The following ARHGAP39 variants were observed in gnomAD, a reference collection of about 807,000 sequenced individuals.
ARHGAP39 encodes the protein rho GTPase-activating protein 39.
Under a neutral mutation model 106.9 loss-of-function variants are expected in ARHGAP39, and 44 were observed. That is an observed-to-expected ratio of 0.41 (90% CI 0.32 to 0.53). The LOEUF is 0.53. Ranked by LOEUF, ARHGAP39 falls within the 20% of genes least tolerant of loss-of-function variation. The pLI is 0.21. For missense variants in ARHGAP39, 1,496 were observed against 1,577.3 expected (o/e 0.95, Z 0.87); for synonymous variants, 768 against 693.2 (o/e 1.11, Z -1.69).
chr8:144,542,177 T>C (rs948846534), intron 6 of ARHGAP39, among the ~76,000 whole-genome samples: 1 of 152,170 alleles, frequency 6.6e-6, no homozygotes, highest in African/African-American at 2.4e-5. Flanking sequence ...GTGGGAGAGC[T>C]GGAGGCTACC....
intron 7 of ARHGAP39, among the ~76,000 whole-genome samples, chr8:144,536,577 C>T (rs1050869233): frequency 1.3e-5 from 2 of 152,220 alleles, no homozygotes; most frequent in African/African-American, 2.4e-5. Context: ...GGTCTGAGGA[C>T]GTCTGTGGCC....
chr8:144,670,151 G>A lies in ARHGAP39; in HGVS notation c.-82+15535C>T, dbSNP rs371027672. Among the ~76,000 whole-genome samples, 101 of 152,340 alleles carry A rather than the reference G, an allele frequency of 6.6e-4. 2 individuals are homozygous for A. In the South Asian group the frequency reaches 0.02, roughly 30 times the overall value. ...GCTCGGATGCATGCTAGAGCGTACC[G>A]GGAAGCAGGATCAGGGCCTGGGACC... On this transcript the variant is annotated intron_variant, in intron 1 of 11. Coordinates refer to ENST00000377307, the MANE Select transcript of ARHGAP39 (RefSeq NM_025251.3). This position sits in a 1 kb window ranked among gnomAD's most constrained non-coding sequence, Gnocchi z 4.4.
At chr8:144,680,127 T>C (rs207470062) in intron 1 of ARHGAP39, among the ~76,000 whole-genome samples, 1 of 152,328 alleles carries the variant, frequency 6.6e-6, no homozygotes, top group African/African-American at 2.4e-5. Context: ...GCTCCCAAAA[T>C]GTGAAAATAC....
rs1279936180 is a variant in ARHGAP39 at position 144,550,556 on chromosome 8, AG to A, written c.597-2068del. On this transcript the variant is annotated intron_variant, in intron 4 of 11. Transcript: ENST00000377307. Reference sequence around the variant, plus strand: ...TTCCCCATTGCCTGGGGGGTTGGTGAGGCAAGGCCAGGAAGACATGGCACCC... The same window carrying A: ...TTCCCCATTGCCTGGGGGGTTGGTGAGCAAGGCCAGGAAGACATGGCACCC... Among the ~76,000 whole-genome samples, 4 of 152,354 alleles carry A rather than the reference AG, an allele frequency of 2.6e-5. No homozygotes were observed. The South Asian group carries it at 8.3e-4, about 32-fold the overall frequency.
intron 1 of ARHGAP39, among the ~76,000 whole-genome samples, chr8:144,633,632 T>C (rs1821117357): frequency 6.6e-6 from 1 of 152,234 alleles, no homozygotes; most frequent in African/African-American, 2.4e-5. Flanking sequence ...CACTACATTT[T>C]CTTAAAGTGG....
intron 1 of ARHGAP39, among the ~76,000 whole-genome samples, chr8:144,654,322 T>C (rs571270290): frequency 2.0e-5 from 3 of 151,714 alleles, no homozygotes; most frequent in East Asian, 3.9e-4. Context: ...CTGGGCAACA[T>C]GGCGAAACCC....
intron 1 of ARHGAP39, among the ~76,000 whole-genome samples, chr8:144,651,236 C>A (rs374874923): frequency 1.3e-5 from 2 of 152,108 alleles, no homozygotes; most frequent in African/African-American, 4.8e-5. Context: ...TTACAAAACA[C>A]TGCTCAAAGA....
Position 144,532,428 on chromosome 8 carries a change from G to A in ARHGAP39, c.2889-32C>T, listed in dbSNP as rs1457333831. 13 of 1,587,776 alleles carry A rather than the reference G, an allele frequency of 8.2e-6. No individual in the cohort carries two copies. The Middle Eastern group carries it at 1.2e-3, about 142-fold the overall frequency. Reference sequence around the variant, plus strand: ...GGCACAGGGCAGGTCTCAGGCAACAGGAGCCTGTGCTGCGGCTTCATGATT... The same window carrying A: ...GGCACAGGGCAGGTCTCAGGCAACAAGAGCCTGTGCTGCGGCTTCATGATT... On this transcript the variant is annotated intron_variant, in intron 9 of 11. Coordinates refer to ENST00000377307, the MANE Select transcript of ARHGAP39 (RefSeq NM_025251.3).
At chr8:144,627,766 A>C (rs564906051) in intron 1 of ARHGAP39, among the ~76,000 whole-genome samples, 5 of 152,150 alleles carry the variant, frequency 3.3e-5, no homozygotes, top group African/African-American at 1.2e-4. Context: ...TCAAAAAAAC[A>C]AAACAAAACA....
chr8:144,547,141 G>C lies in ARHGAP39; in HGVS notation c.1945C>G (p.Leu649Val), dbSNP rs1480808434. The C allele has an allele frequency of 6.2e-7, 1 of 1,602,128 alleles. No homozygotes were observed. The highest frequency in any genetic ancestry group is 1.7e-5 in the Admixed American group (1 of 59,148). Reference sequence around the variant, plus strand: ...TGGGCCCTCACCTGTGAGGGGTGGAGGTAGGGCTCTGGTGAGGCCAGGTTG... The same window carrying C: ...TGGGCCCTCACCTGTGAGGGGTGGACGTAGGGCTCTGGTGAGGCCAGGTTG... ...QTNLASPEPY[L>V]HPSQSEDLAA... The change falls in exon 5 of 12, where the codon CTC becomes GTC. Residue 649 changes from leucine (L) to valine (V), a missense_variant. Around this residue, in one of 4 missense-constraint regions of ARHGAP39, gnomAD observed 905 missense variants for 816.4 expected, o/e 1.11. Coordinates refer to ENST00000377307, the MANE Select transcript of ARHGAP39 (RefSeq NM_025251.3). The surrounding 1 kb of genome is among the most constrained non-coding windows in gnomAD (Gnocchi z 5.2).
chr8:144,612,012 A>G (rs576592228), intron 1 of ARHGAP39, among the ~76,000 whole-genome samples: 9 of 151,386 alleles, frequency 5.9e-5, no homozygotes, highest in African/African-American at 2.2e-4. Context: ...TCCATGTAAA[A>G]AAAAAAAAAA....
chr8:144,600,889 C>A (rs1215944693), intron 2 of ARHGAP39, among the ~76,000 whole-genome samples: 1 of 141,088 alleles, frequency 7.1e-6, no homozygotes, highest in Non-Finnish European at 1.5e-5. Flanking sequence ...GCTCGTGTAC[C>A]TGTGCGTGTG....
In ARHGAP39 at chr8:144,679,599, G is replaced by A. The variant is rs1001969090; in HGVS notation, c.-82+6087C>T. 3.3e-5 allele frequency among the ~76,000 whole-genome samples: 5 copies of A among 152,186 alleles called. No homozygotes were observed. Among genetic ancestry groups the A allele is most frequent in the South Asian group, 2.1e-4 (1 of 4,832 alleles). On this transcript the variant is annotated intron_variant, in intron 1 of 11. Coordinates refer to ENST00000377307, the MANE Select transcript of ARHGAP39 (RefSeq NM_025251.3). The surrounding 1 kb of genome is among the most constrained non-coding windows in gnomAD (Gnocchi z 4.7). ...TCTTCCTTCACCAACCCATCCTACA[G>A]AACATTGCCAATTAAATCTCCCTAA...
Position 144,606,208 on chromosome 8 carries a change from C to T in ARHGAP39, c.-81-513G>A, listed in dbSNP as rs919869178. Among the ~76,000 whole-genome samples the T allele has an allele frequency of 2.6e-5, 4 of 152,226 alleles. No individual in the cohort carries two copies. The South Asian group carries it at 6.2e-4, about 24-fold the overall frequency. ...CGCTCAGGAGCAATCCATGTTCACA[C>T]GGACCACCTGACTTCCAACAACAAT... On this transcript the variant is annotated intron_variant, in intron 1 of 11. Coordinates refer to ENST00000377307, the MANE Select transcript of ARHGAP39 (RefSeq NM_025251.3).
rs1819156804 is a variant in ARHGAP39, at chr8:144,585,711, T to C, written c.81-4434A>G. Among the ~76,000 whole-genome samples the C allele has an allele frequency of 6.6e-6, 1 of 152,178 alleles. No homozygotes were observed. The highest frequency in any genetic ancestry group is 1.5e-5 in the Non-Finnish European group (1 of 68,030). The stretch of plus-strand genomic sequence containing the variant: ...GGTGCCACGCGCTGCAGCCTGGGCC[T>C]CCCGAGGATGTCGCTGGTTGTGGCA... On this transcript the variant is annotated intron_variant, in intron 2 of 11. Transcript: ENST00000377307. This position sits in a 1 kb window ranked among gnomAD's most constrained non-coding sequence, Gnocchi z 4.6.
intron 1 of ARHGAP39, among the ~76,000 whole-genome samples, chr8:144,674,016 C>T (rs966155878): frequency 1.3e-5 from 2 of 152,218 alleles, no homozygotes; most frequent in Non-Finnish European, 2.9e-5. Flanking sequence ...CCAGGAACCA[C>T]AGAACCCCAA....
rs79575375 is a variant in ARHGAP39, at chr8:144,557,167, G to A, written c.513-1524C>T. Reference sequence around the variant, plus strand: ...TTCAGAGGCAAAAGGCTGAACCTTCGTAGTATTCAGAGGCAAAGGCTGAAC... The same window carrying A: ...TTCAGAGGCAAAAGGCTGAACCTTCATAGTATTCAGAGGCAAAGGCTGAAC... On this transcript the variant is annotated intron_variant, in intron 3 of 11. Transcript: ENST00000377307. Among the ~76,000 whole-genome samples the A allele has an allele frequency of 1.4e-4, 10 of 72,444 alleles. 1 individual carries two copies. The highest frequency in any genetic ancestry group is 4.7e-4 in the Admixed American group (3 of 6,394). 47.5% of individuals were successfully genotyped at this position (72,444 alleles called of 152,430 possible).
At chr8:144,694,542 G>A in the ARHGAP39 span, among the ~76,000 whole-genome samples, 3 of 152,196 alleles carry the variant, frequency 2.0e-5, no homozygotes, top group Admixed American at 6.5e-5. Flanking sequence ...TGTTAACGCC[G>A]TTCCCCCACT....
chr8:144,533,989 G>T, intron 8 of ARHGAP39, 140 bp downstream of exon 8: 1 of 950,322 alleles, frequency 1.1e-6, no homozygotes, highest in African/African-American at 1.6e-5. Context: ...AGCGTACCCC[G>T]CCACCCGCCT....
Sources: allele counts gnomAD v4.1 joint callset (sites outside exome capture counted in the v4.1 genomes callset), GRCh38; gene constraint gnomAD v4.1.1; regional missense constraint gnomAD v4.1.1; non-coding constraint Gnocchi (gnomAD v3.1); transcripts MANE v1.5; gene names NCBI Gene and HGNC (gene_info 2026-07-23, HGNC 2026-07-21).